Variants in SNX13 observed in about 807,000 individuals in gnomAD.
SNX13 encodes sorting nexin-13.
In SNX13, 45 loss-of-function variants were observed where a neutral mutation model predicts 133.6. The observed-to-expected ratio is 0.34, with a 90% CI of 0.27 to 0.43. The LOEUF is 0.43. SNX13 is among the 20% of genes least tolerant of loss of function. The probability of loss-of-function intolerance (pLI) is 1.00; values close to 1 mark genes in which losing one functional copy is unlikely to be tolerated. For missense variants in SNX13, 1,032 were observed against 1,145.1 expected (o/e 0.90, Z 1.43); for synonymous variants, 414 against 373.9 (o/e 1.11, Z -1.24).
intron 1 of SNX13, among the ~76,000 whole-genome samples, chr7:17,919,888 T>C (rs906828406): frequency 6.6e-6 from 1 of 152,108 alleles, no homozygotes; most frequent in African/African-American, 2.4e-5. Context: ...CCCAGGACTT[T>C]GGGAGGCCAA....
intron 5 of SNX13, among the ~76,000 whole-genome samples, chr7:17,887,245 A>T (rs1240504592): frequency 6.6e-6 from 1 of 152,140 alleles, no homozygotes; most frequent in Non-Finnish European, 1.5e-5. Context: ...GACATTAAAA[A>T]TTTTCTTTTC....
chr7:17,796,983 C>T, intron 24 of SNX13, 44 bp from the exon 25 acceptor site: 1 of 1,329,342 alleles, frequency 7.5e-7, no homozygotes, highest in African/African-American at 1.4e-5. Flanking sequence ...TTTTCATTTT[C>T]TAATGATACA....
At chr7:17,809,603 C>G (rs1785760452) in intron 20 of SNX13, among the ~76,000 whole-genome samples, 1 of 152,210 alleles carries the variant, frequency 6.6e-6, no homozygotes, top group Non-Finnish European at 1.5e-5. Flanking sequence ...TTGAACTCAG[C>G]TGTGGACCAA....
At chr7:17,879,954 A>G (rs1339208080) in intron 5 of SNX13, 5 of 152,266 alleles carry the variant, frequency 3.3e-5, no homozygotes, top group Non-Finnish European at 7.3e-5. Flanking sequence ...CCACACATAT[A>G]CATACACAGG....
chr7:17,906,905 G>A (rs1033685512), intron 1 of SNX13, among the ~76,000 whole-genome samples: 3 of 152,006 alleles, frequency 2.0e-5, no homozygotes, highest in African/African-American at 4.8e-5. Flanking sequence ...AATAAATAAA[G>A]ATAATACAGT....
intron 1 of SNX13, among the ~76,000 whole-genome samples, chr7:17,898,050 A>C (rs968401084): frequency 3.3e-5 from 5 of 152,072 alleles, no homozygotes; most frequent in African/African-American, 1.2e-4. Context: ...GAGCTCAACA[A>C]AACATCACCA....
intron 1 of SNX13, among the ~76,000 whole-genome samples, chr7:17,917,608 A>C (rs888929723): frequency 3.3e-5 from 5 of 152,216 alleles, no homozygotes; most frequent in Middle Eastern, 3.4e-3. Flanking sequence ...AACGACCTCT[A>C]CAAACAGAAC....
chr7:17,912,474 A>C (rs186414569), intron 1 of SNX13, among the ~76,000 whole-genome samples: 7 of 151,498 alleles, frequency 4.6e-5, no homozygotes, highest in African/African-American at 1.7e-4. Context: ...CCGTGGCATG[A>C]TCTTGACTCA....
chr7:17,916,755 C>A (rs1425461610), intron 1 of SNX13, among the ~76,000 whole-genome samples: 1 of 151,774 alleles, frequency 6.6e-6, no homozygotes, highest in Non-Finnish European at 1.5e-5. Context: ...TAGTAACAAT[C>A]CTACTGAAAC....
intron 13 of SNX13, 68 bp from the exon 14 acceptor site, chr7:17,834,933 A>C: frequency 3.4e-6 from 3 of 890,380 alleles, no homozygotes; most frequent in South Asian, 3.5e-5. Context: ...TGATAGTATG[A>C]TAATAATGGA....
intron 5 of SNX13, chr7:17,889,519 C>T (rs1464619458): frequency 2.0e-5 from 3 of 151,962 alleles, no homozygotes; most frequent in East Asian, 3.9e-4. Flanking sequence ...AATCTACAAA[C>T]TCATCCAAAC....
chr7:17,814,295 CAA>C (rs1786400497), intron 20 of SNX13, among the ~76,000 whole-genome samples: 1 of 152,150 alleles, frequency 6.6e-6, no homozygotes, highest in Non-Finnish European at 1.5e-5. Flanking sequence ...GGATCTGAAA[CAA>C]AAGACTGCCT....
chr7:17,882,143 T>A (rs1482037469), intron 5 of SNX13: 1 of 152,194 alleles, frequency 6.6e-6, no homozygotes, highest in Admixed American at 6.5e-5. Context: ...ATACAACTCA[T>A]TACTTCAGGT....
At chr7:17,931,542 T>C (rs1231413161) in intron 1 of SNX13, among the ~76,000 whole-genome samples, 5 of 152,198 alleles carry the variant, frequency 3.3e-5, no homozygotes, top group African/African-American at 7.2e-5. Context: ...CTCTTTCCTA[T>C]GCTAAGCCAG....
chr7:17,895,618 C>T (rs772071569), intron 2 of SNX13, among the ~76,000 whole-genome samples: 4 of 152,094 alleles, frequency 2.6e-5, no homozygotes, highest in Non-Finnish European at 2.9e-5. Context: ...CAAATTTTTA[C>T]AGAACTTTGT....
chr7:17,850,988 AG>A, intron 9 of SNX13, 24 bp from the exon 10 acceptor site: 2 of 1,581,736 alleles, frequency 1.3e-6, no homozygotes, highest in African/African-American at 2.7e-5. Flanking sequence ...TAAGAAAAAC[AG>A]GTGGGAGAGG....
Position 17,790,954 on chromosome 7 carries a change from T to C in SNX13, c.*3091A>G, listed in dbSNP as rs959074236. 1.3e-5 allele frequency: 2 copies of C among 152,044 alleles called. No homozygotes were observed. Among genetic ancestry groups the C allele is most frequent in the African/African-American group, 4.8e-5 (2 of 41,452 alleles). 9.4% of individuals were successfully genotyped at this position (152,044 alleles called of 1,614,324 possible). A position where few individuals can be genotyped will look rare whatever the true frequency, so the allele number is the denominator to read the frequency against. The stretch of plus-strand genomic sequence containing the variant: ...TACAATGATATGCACACATTATCTT[T>C]TAACAATTATAATCCTAAAATGTGC... On this transcript the variant is annotated 3_prime_UTR_variant, in exon 26 of 26. Coordinates refer to ENST00000428135, the MANE Select transcript of SNX13 (RefSeq NM_015132.5).
intron 25 of SNX13, chr7:17,795,163 C>G (rs1033839608): frequency 6.6e-6 from 1 of 151,614 alleles, no homozygotes; most frequent in African/African-American, 2.4e-5. Context: ...ACCGATGGTG[C>G]TGTGACTAAG....
chr7:17,845,153 TAC>T (rs71010276), intron 12 of SNX13, among the ~76,000 whole-genome samples: 1,699 of 148,696 alleles, frequency 0.011, 17 homozygotes, highest in African/African-American at 0.03. Flanking sequence ...TGCGTGTGTG[TAC>T]ACACACACAC....
Sources: gnomAD v4.1 joint callset for allele counts (sites outside exome capture counted in the v4.1 genomes callset) on GRCh38, gnomAD v4.1.1 for gene constraint, MANE v1.5 for transcripts, NCBI Gene and HGNC (gene_info 2026-07-23, HGNC 2026-07-21) for gene names.